PPP1R21: variants seen among roughly 807,000 people sequenced by gnomAD.
PPP1R21 encodes KLRAQ motif containing 1.
A neutral mutation model predicts 112.8 loss-of-function variants in PPP1R21; 85 were observed. The observed-to-expected ratio is 0.75, with a 90% CI of 0.63 to 0.90. The LOEUF is 0.90. PPP1R21 is among the 40% of genes least tolerant of loss of function. The pLI, the probability that PPP1R21 is intolerant of heterozygous loss-of-function variation, is 0.00. For missense variants in PPP1R21, 1,199 were observed against 901.5 expected (o/e 1.33, Z -4.23); for synonymous variants, 381 against 322.3 (o/e 1.18, Z -1.95).
At chr2:48,508,863 A>G (rs1050027392) in intron 19 of PPP1R21, among the ~76,000 whole-genome samples, 3 of 152,180 alleles carry the variant, frequency 2.0e-5, no homozygotes, top group African/African-American at 7.2e-5. Context: ...TAGTTATTTT[A>G]GTAAATATCT....
intron 1 of PPP1R21, among the ~76,000 whole-genome samples, chr2:48,448,095 A>C (rs1667327553): frequency 6.6e-6 from 1 of 152,226 alleles, no homozygotes; most frequent in South Asian, 2.1e-4. Flanking sequence ...AAATGTTGCA[A>C]AGAGTAGTTA....
At chr2:48,442,401 A>C (rs575526620) in intron 1 of PPP1R21, among the ~76,000 whole-genome samples, 3 of 152,322 alleles carry the variant, frequency 2.0e-5, no homozygotes, top group Admixed American at 6.5e-5. Flanking sequence ...GCAAGAGGGG[A>C]GTTCCAAAAT....
chr2:48,489,498 A>G (rs905228672), intron 14 of PPP1R21, among the ~76,000 whole-genome samples: 2 of 151,084 alleles, frequency 1.3e-5, no homozygotes, highest in African/African-American at 4.9e-5. Context: ...GCACACCACC[A>G]TGCCTGGCTA....
rs767443042 is a variant in PPP1R21, at chr2:48,450,999, T to C, written c.58-9T>C. On this transcript the variant is annotated splice_polypyrimidine_tract_variant and intron_variant, in intron 1 of 21. Coordinates refer to ENST00000294952, the MANE Select transcript of PPP1R21 (RefSeq NM_001135629.3). ...ATTAGAAATTGATTATTGCTTTCTCTGTTTTCAGCTTCGGGCTCAGAATCA... is the reference window on the plus strand; with the variant it reads ...ATTAGAAATTGATTATTGCTTTCTCCGTTTTCAGCTTCGGGCTCAGAATCA... 1.9e-6 allele frequency: 3 copies of C among 1,612,444 alleles called. No individual in the cohort carries two copies. In the East Asian group the frequency reaches 6.7e-5, roughly 36 times the overall value.
In PPP1R21 at chr2:48,500,850, A is replaced by T. The variant is rs533114609; in HGVS notation, c.1935+2115A>T. On this transcript the variant is annotated intron_variant, in intron 17 of 21. Transcript: ENST00000294952. ...CTTGAACCTGGGAGGCGGAGGTCGC[A>T]GTGAGCTGAGATCATGCCACTGCAC... Among the ~76,000 whole-genome samples the T allele has an allele frequency of 5.8e-4, 89 of 152,224 alleles. 1 individual carries two copies. The highest frequency in any genetic ancestry group is 2.0e-3 in the African/African-American group (85 of 41,536).
chr2:48,502,676 CTTTTTTTTT>C (rs762811938), intron 17 of PPP1R21, among the ~76,000 whole-genome samples: 163 of 94,042 alleles, frequency 1.7e-3, no homozygotes, highest in African/African-American at 6.4e-3. Context: ...AGAAACTTTT[CTTTTTTTTT>C]TTTTTTTTTT....
intron 15 of PPP1R21, among the ~76,000 whole-genome samples, chr2:48,491,915 T>A (rs1669585062): frequency 6.6e-6 from 1 of 152,154 alleles, no homozygotes. Context: ...AGCTGCTCCT[T>A]GGGGAGCAGG....
At chr2:48,501,595 CTT>C (rs951136329) in intron 17 of PPP1R21, among the ~76,000 whole-genome samples, 23 of 152,204 alleles carry the variant, frequency 1.5e-4, no homozygotes, top group African/African-American at 5.5e-4. Flanking sequence ...GCCCTGCCCT[CTT>C]AACCAAGATG....
At chr2:48,507,527 C>G (rs979660489) in intron 19 of PPP1R21, 142 bp downstream of exon 19, 1 of 1,307,962 alleles carries the variant, frequency 7.6e-7, no homozygotes, top group African/African-American at 1.6e-5. Flanking sequence ...ACCACCACGC[C>G]CAGCTAATTT....
intron 7 of PPP1R21, among the ~76,000 whole-genome samples, chr2:48,463,416 CTAG>C (rs1668065438): frequency 6.6e-6 from 1 of 152,018 alleles, no homozygotes; most frequent in African/African-American, 2.4e-5. Flanking sequence ...CTCGAGAGGA[CTAG>C]TATACTTTGC....
chr2:48,441,305 C>A (rs1667020378), intron 1 of PPP1R21: 1 of 490,002 alleles, frequency 2.0e-6, no homozygotes, highest in South Asian at 2.3e-5. Flanking sequence ...TGGCTTCTTG[C>A]CTCTAATGCT....
intron 12 of PPP1R21, among the ~76,000 whole-genome samples, chr2:48,478,769 C>T (rs1197760416): frequency 1.3e-5 from 2 of 152,192 alleles, no homozygotes; most frequent in Non-Finnish European, 2.9e-5. Flanking sequence ...ACTTATATCG[C>T]TAATCTACCA....
chr2:48,473,738 T>C (rs1056814489), intron 11 of PPP1R21, among the ~76,000 whole-genome samples: 2 of 152,194 alleles, frequency 1.3e-5, no homozygotes, highest in Non-Finnish European at 2.9e-5. Flanking sequence ...TTTTCTGGCT[T>C]TGTCTAAAAA....
chr2:48,449,026 C>CT (rs1054140630), intron 1 of PPP1R21, among the ~76,000 whole-genome samples: 8 of 150,662 alleles, frequency 5.3e-5, no homozygotes, highest in Admixed American at 6.6e-5. Context: ...ATCTCTTCTA[C>CT]TTTTTTTTTC....
chr2:48,498,367 C>T (rs1411551095), intron 16 of PPP1R21, 126 bp from the exon 17 acceptor site: 3 of 861,950 alleles, frequency 3.5e-6, no homozygotes, highest in South Asian at 1.9e-5. Context: ...ATTCGAGGGT[C>T]AAACTTTATT....
intron 1 of PPP1R21, among the ~76,000 whole-genome samples, chr2:48,444,664 T>G (rs964276040): frequency 3.9e-5 from 6 of 152,212 alleles, no homozygotes; most frequent in African/African-American, 1.4e-4. Flanking sequence ...CAACATCATC[T>G]GGGAATGGGT....
chr2:48,447,769 T>G (rs1667311074), intron 1 of PPP1R21, among the ~76,000 whole-genome samples: 1 of 151,956 alleles, frequency 6.6e-6, no homozygotes, highest in Admixed American at 6.6e-5. Flanking sequence ...GTCAACATGG[T>G]GAAGCCCTGT....
chr2:48,458,081 C>G, intron 3 of PPP1R21, 45 bp from the exon 4 acceptor site: 2 of 1,304,354 alleles, frequency 1.5e-6, no homozygotes, highest in Non-Finnish European at 2.2e-6. Context: ...GGATGTTTCT[C>G]TAAAGGATGA....
intron 4 of PPP1R21, 128 bp from the exon 5 acceptor site, chr2:48,459,626 G>A: frequency 1.1e-6 from 1 of 944,012 alleles, no homozygotes; most frequent in Non-Finnish European, 1.6e-6. Flanking sequence ...GATAATGCCT[G>A]TGTGGGTTTA....
Sources: allele counts gnomAD v4.1 joint callset (sites outside exome capture counted in the v4.1 genomes callset), GRCh38; gene constraint gnomAD v4.1.1; transcripts MANE v1.5; gene names NCBI Gene and HGNC (gene_info 2026-07-23, HGNC 2026-07-21).